The following KIF19 variants were observed in gnomAD, a reference collection of about 807,000 sequenced individuals.
The protein encoded by KIF19 is kinesin-like protein KIF19.
KIF19 carries 98 observed loss-of-function variants against 106.6 expected under a neutral mutation model. The observed-to-expected ratio is 0.92, with a 90% CI of 0.78 to 1.09. The LOEUF (loss-of-function observed/expected upper bound fraction) is 1.09. Ranked by LOEUF, KIF19 falls within the 50% of genes least tolerant of loss-of-function variation. The pLI is 0.00. For synonymous variants in KIF19, 516 were observed against 584.2 expected (o/e 0.88, Z 1.68); for missense variants, 1,373 against 1,414.3 (o/e 0.97, Z 0.47).
chr17:74,344,697 G>A, intron 6 of KIF19, 64 bp from the exon 7 acceptor site: 3 of 1,513,020 alleles, frequency 2.0e-6, no homozygotes, highest in Non-Finnish European at 2.7e-6. Context: ...CCCCCTCAGG[G>A]GCTCCTCTCT....
At chr17:74,327,235 G>A (rs1252135774) in intron 1 of KIF19, among the ~76,000 whole-genome samples, 1 of 152,162 alleles carries the variant, frequency 6.6e-6, no homozygotes, top group Non-Finnish European at 1.5e-5. Context: ...CCTCTCAAGG[G>A]TGGGCTTGCT....
chr17:74,338,152 C>T (rs1031623097), intron 2 of KIF19, among the ~76,000 whole-genome samples: 1 of 152,268 alleles, frequency 6.6e-6, no homozygotes, highest in African/African-American at 2.4e-5. Context: ...TGAAGGCCCC[C>T]CTCCCAGAGG....
At chr17:74,353,160 G>T (rs993191598) in intron 15 of KIF19, 36 bp from the exon 16 acceptor site, 2 of 1,520,950 alleles carry the variant, frequency 1.3e-6, no homozygotes, top group African/African-American at 2.7e-5. Context: ...GAGATAGCCT[G>T]GTCTACAGCC....
chr17:74,351,177 T>C, intron 12 of KIF19: 1 of 484,332 alleles, frequency 2.1e-6, no homozygotes, highest in Non-Finnish European at 3.8e-6. Context: ...AAATGGTAAC[T>C]AATGTTATAA....
chr17:74,342,995 C>T lies in KIF19; in HGVS notation c.320-29C>T, dbSNP rs749971599. On this transcript the variant is annotated intron_variant, in intron 4 of 19. Transcript: ENST00000389916. The stretch of plus-strand genomic sequence containing the variant: ...CAAGGCCTCCCTCCCAGCCCCACCC[C>T]GGTCACCCTCCACCTTGTTCTGCCC... 6.5e-5 allele frequency: 103 copies of T among 1,573,750 alleles called. 2 individuals carry two copies. In the South Asian group the frequency reaches 7.8e-4, roughly 12 times the overall value.
intron 2 of KIF19, among the ~76,000 whole-genome samples, chr17:74,330,748 G>A (rs1330129972): frequency 6.6e-6 from 1 of 152,220 alleles, no homozygotes. Context: ...GCCTAATCCA[G>A]CCAAGATACG....
At chr17:74,330,378 A>G (rs1464838726) in intron 2 of KIF19, among the ~76,000 whole-genome samples, 1 of 152,220 alleles carries the variant, frequency 6.6e-6, no homozygotes, top group Non-Finnish European at 1.5e-5. Flanking sequence ...TCCTTGGCAC[A>G]TAGGAAGAGT....
intron 18 of KIF19, 103 bp from the exon 19 acceptor site, chr17:74,354,679 C>G: frequency 6.6e-7 from 1 of 1,520,660 alleles, no homozygotes; most frequent in Non-Finnish European, 8.8e-7. Context: ...GAGGCACCAC[C>G]CTCCACAGTC....
At chr17:74,328,635 T>G (rs2144187256) in intron 2 of KIF19, 130 bp downstream of exon 2, 1 of 708,512 alleles carries the variant, frequency 1.4e-6, no homozygotes, top group Admixed American at 2.8e-5. Context: ...AACTCTTGGC[T>G]GTGCTGTTGA....
At chr17:74,355,119 T>C in intron 19 of KIF19, 63 bp from the exon 20 acceptor site, 1 of 1,551,660 alleles carries the variant, frequency 6.4e-7, no homozygotes, top group Non-Finnish European at 8.7e-7. Flanking sequence ...GGCCACTGGG[T>C]GATGGGAGAG....
chr17:74,343,810 G>A (rs1387587520), intron 5 of KIF19, among the ~76,000 whole-genome samples: 1 of 152,212 alleles, frequency 6.6e-6, no homozygotes, highest in Non-Finnish European at 1.5e-5. Flanking sequence ...AGGAGCACAG[G>A]GGTTGCCTAG....
chr17:74,327,467 C>CT (rs757397324), intron 1 of KIF19, among the ~76,000 whole-genome samples: 1 of 152,126 alleles, frequency 6.6e-6, no homozygotes, highest in Non-Finnish European at 1.5e-5. Flanking sequence ...CTGAAAGTGC[C>CT]TTTTGTTTTG....
At chr17:74,335,064 C>G (rs2054186174) in intron 2 of KIF19, among the ~76,000 whole-genome samples, 2 of 152,198 alleles carry the variant, frequency 1.3e-5, no homozygotes, top group Non-Finnish European at 2.9e-5. Flanking sequence ...TTGTGGCACC[C>G]CCTCCCTCGG....
intron 2 of KIF19, among the ~76,000 whole-genome samples, chr17:74,341,373 G>A (rs933512630): frequency 6.6e-6 from 1 of 152,212 alleles, no homozygotes; most frequent in South Asian, 2.1e-4. Flanking sequence ...AACAGGTCCT[G>A]ACACAAAATG....
Position 74,352,173 on chromosome 17 carries a change from C to CG in KIF19, c.1859-39dup, listed in dbSNP as rs141584987. On this transcript the variant is annotated intron_variant, in intron 13 of 19. Coordinates refer to ENST00000389916, the MANE Select transcript of KIF19 (RefSeq NM_153209.4). ...CGCCCCCGCGCATCTGAGCCACCCG[C>CG]GGGGGGGCCGCTGGCACTCACTGAG... The CG allele has an allele frequency of 1.5e-3, 2,380 of 1,588,028 alleles. 47 individuals carry two copies. In the East Asian group the frequency reaches 0.044, roughly 29 times the overall value.
chr17:74,351,800 G>A, intron 12 of KIF19, 67 bp from the exon 13 acceptor site: 1 of 1,360,910 alleles, frequency 7.3e-7, no homozygotes, highest in Non-Finnish European at 9.4e-7. Flanking sequence ...GGAGGGTCGA[G>A]GACGAGCTGG....
At chr17:74,351,821 C>A in intron 12 of KIF19, 46 bp from the exon 13 acceptor site, 1 of 1,369,816 alleles carries the variant, frequency 7.3e-7, no homozygotes, top group South Asian at 1.7e-5. Context: ...GCAGGCGGAT[C>A]GGACCCCTCT....
chr17:74,349,337 C>T lies in KIF19; in HGVS notation c.1201C>T (p.Arg401Cys), dbSNP rs756060744. ...ARGRQDRGDIRHIQAEVQLHS... is the reference protein window; with the variant it reads ...ARGRQDRGDICHIQAEVQLHS... Reference sequence around the variant, plus strand: ...GGGCCGGCAGGATCGGGGTGACATCCGCCACATCCAAGGTGCGCCTGTGGG... The same window carrying T: ...GGGCCGGCAGGATCGGGGTGACATCTGCCACATCCAAGGTGCGCCTGTGGG... The change falls in exon 10 of 20, where the codon CGC becomes TGC. Residue 401 changes from arginine (R) to cysteine (C), a missense_variant. Arg to Cys is a radical substitution (Grantham distance 180). Around this residue, in one of 3 missense-constraint regions of KIF19, gnomAD observed 1,020 missense variants for 1,008.2 expected, o/e 1.01. Transcript: ENST00000389916. The T allele has an allele frequency of 7.5e-6, 12 of 1,601,826 alleles. No individual in the cohort carries two copies. Among genetic ancestry groups the T allele is most frequent in the Admixed American group, 3.4e-5 (2 of 58,714 alleles).
At chr17:74,328,338 A>G (rs2053970452) in intron 1 of KIF19, 87 bp from the exon 2 acceptor site, 3 of 1,254,376 alleles carry the variant, frequency 2.4e-6, no homozygotes, top group Admixed American at 2.1e-5. Context: ...GCTGAATGCT[A>G]GAGAAGCCAG....
Sources: gnomAD v4.1 joint callset for allele counts (sites outside exome capture counted in the v4.1 genomes callset) on GRCh38, gnomAD v4.1.1 for gene constraint, gnomAD v4.1.1 regional missense constraint, MANE v1.5 for transcripts, NCBI Gene and HGNC (gene_info 2026-07-23, HGNC 2026-07-21) for gene names.